ZFPM2: variants seen among roughly 807,000 people sequenced by gnomAD.
The protein encoded by ZFPM2 is zinc finger protein, FOG family member 2.
ZFPM2 carries 20 observed loss-of-function variants against 98.6 expected under a neutral mutation model. That is an observed-to-expected ratio of 0.20 (90% CI 0.14 to 0.29). The LOEUF is 0.29. Ranked by LOEUF, ZFPM2 falls within the 10% of genes least tolerant of loss-of-function variation. ZFPM2 has a pLI of 1.00. For missense variants in ZFPM2, 1,310 were observed against 1,388.6 expected, an observed-to-expected ratio of 0.94 and a Z score of 0.90; for synonymous variants, 518 against 502.7, an observed-to-expected ratio of 1.03 and a Z score of -0.41.
At chr8:105,800,585 T>A (rs1813971263) in intron 7 of ZFPM2, among the ~76,000 whole-genome samples, 1 of 152,146 alleles carries the variant, frequency 6.6e-6, no homozygotes, top group African/African-American at 2.4e-5. Context: ...ATAACCTATA[T>A]GTAGTGTACT....
At chr8:105,544,809 A>G (rs1343249950) in intron 3 of ZFPM2, among the ~76,000 whole-genome samples, 1 of 152,186 alleles carries the variant, frequency 6.6e-6, no homozygotes, top group African/African-American at 2.4e-5. Flanking sequence ...TCAGCAAATG[A>G]ATAAATACAT....
intron 6 of ZFPM2, among the ~76,000 whole-genome samples, chr8:105,796,343 C>CAAAT (rs1813814499): frequency 4.6e-5 from 7 of 151,120 alleles, no homozygotes; most frequent in Admixed American, 4.6e-4. Context: ...CTATTTATGT[C>CAAAT]AAATAATTCA....
Position 105,425,027 on chromosome 8 carries a change from G to A in ZFPM2, c.199+5725G>A, listed in dbSNP as rs1811878642. 2.6e-5 allele frequency among the ~76,000 whole-genome samples: 4 copies of A among 152,120 alleles called. No homozygotes were observed. In the South Asian group the frequency reaches 8.3e-4, roughly 32 times the overall value. On this transcript the variant is annotated intron_variant, in intron 2 of 7. Coordinates refer to ENST00000407775, the MANE Select transcript of ZFPM2 (RefSeq NM_012082.4). ...CTGGAGACTTGAGAGAAAGGAATGA[G>A]CTTCCAGTACTGAGTCAAGTCTGCA...
intron 1 of ZFPM2, among the ~76,000 whole-genome samples, chr8:105,331,232 A>G (rs938269203): frequency 6.6e-6 from 1 of 151,304 alleles, no homozygotes; most frequent in Non-Finnish European, 1.5e-5. Flanking sequence ...ATGATCAACA[A>G]TTCTTACAAA....
At chr8:105,439,682 C>T (rs1378219647) in intron 2 of ZFPM2, among the ~76,000 whole-genome samples, 2 of 152,176 alleles carry the variant, frequency 1.3e-5, no homozygotes, top group Non-Finnish European at 1.5e-5. Context: ...ATTTGGGCTA[C>T]ATGTTTTCCA....
intron 5 of ZFPM2, among the ~76,000 whole-genome samples, chr8:105,672,754 G>A (rs1208490707): frequency 6.6e-6 from 1 of 152,088 alleles, no homozygotes; most frequent in Non-Finnish European, 1.5e-5. Flanking sequence ...ATAAAAATTA[G>A]GGACATGTAC....
At chr8:105,407,800 T>TA (rs1811491947) in intron 1 of ZFPM2, among the ~76,000 whole-genome samples, 1 of 151,926 alleles carries the variant, frequency 6.6e-6, no homozygotes, top group Non-Finnish European at 1.5e-5. Context: ...TTTTGACTCT[T>TA]ACAGTTTAAG....
intron 1 of ZFPM2, among the ~76,000 whole-genome samples, chr8:105,365,441 T>C (rs1243794788): frequency 1.3e-5 from 2 of 152,208 alleles, no homozygotes; most frequent in Admixed American, 6.6e-5. Flanking sequence ...AATTCCATTA[T>C]CAGATATTCA....
chr8:105,699,433 G>A (rs1307792625), intron 5 of ZFPM2, among the ~76,000 whole-genome samples: 3 of 152,044 alleles, frequency 2.0e-5, no homozygotes, highest in Non-Finnish European at 4.4e-5. Flanking sequence ...ATTCATATTT[G>A]TACAAACTTA....
At chr8:105,637,869 T>A (rs533906681) in intron 5 of ZFPM2, among the ~76,000 whole-genome samples, 35 of 152,226 alleles carry the variant, frequency 2.3e-4, no homozygotes, top group Admixed American at 8.5e-4. Flanking sequence ...TTGTGGCATT[T>A]TCGTAATGCC....
chr8:105,782,009 C>T (rs552673990), intron 5 of ZFPM2, among the ~76,000 whole-genome samples: 1 of 152,234 alleles, frequency 6.6e-6, no homozygotes, highest in Non-Finnish European at 1.5e-5. Context: ...TGCCATCTCC[C>T]ATATTTCCTT....
At chr8:105,409,570 A>C (rs1357051383) in intron 1 of ZFPM2, among the ~76,000 whole-genome samples, 3 of 151,964 alleles carry the variant, frequency 2.0e-5, no homozygotes, top group African/African-American at 7.2e-5. Flanking sequence ...GTTGCAGTAC[A>C]CAAAGTGTCT....
At chr8:105,510,222 CT>C (rs1439721002) in intron 3 of ZFPM2, among the ~76,000 whole-genome samples, 2 of 152,064 alleles carry the variant, frequency 1.3e-5, no homozygotes, top group Non-Finnish European at 2.9e-5. Context: ...GTTCTGGAGA[CT>C]GTTAAAGAGC....
At chr8:105,516,638 T>C (rs1330798446) in intron 3 of ZFPM2, among the ~76,000 whole-genome samples, 3 of 152,202 alleles carry the variant, frequency 2.0e-5, no homozygotes, top group Non-Finnish European at 1.5e-5. Flanking sequence ...ATGTTTATAA[T>C]GATGAAATGA....
rs184595638 is a variant in ZFPM2, at chr8:105,422,681, C to G, written c.199+3379C>G. Among the ~76,000 whole-genome samples, 2 of 152,000 alleles carry G rather than the reference C, an allele frequency of 1.3e-5. 1 individual carries two copies. The highest frequency in any genetic ancestry group is 1.3e-4 in the Admixed American group (2 of 15,276). On this transcript the variant is annotated intron_variant, in intron 2 of 7. Transcript: ENST00000407775. The stretch of plus-strand genomic sequence containing the variant: ...AATTGAATGTTTTTTTCTTGTTAAA[C>G]AAAGGATATCTTAAAAGTTCAGATC...
chr8:105,524,781 G>T (rs1193998233), intron 3 of ZFPM2, among the ~76,000 whole-genome samples: 2 of 152,086 alleles, frequency 1.3e-5, no homozygotes, highest in Non-Finnish European at 2.9e-5. Context: ...AACTTTGGCT[G>T]CACAAGTGTC....
At chr8:105,593,429 T>A (rs1292387090) in intron 4 of ZFPM2, among the ~76,000 whole-genome samples, 1 of 152,032 alleles carries the variant, frequency 6.6e-6, no homozygotes, top group African/African-American at 2.4e-5. Context: ...GGAATTTACA[T>A]GAAGTGTTAA....
chr8:105,654,429 T>C (rs1817243695), intron 5 of ZFPM2, among the ~76,000 whole-genome samples: 1 of 152,188 alleles, frequency 6.6e-6, no homozygotes, highest in South Asian at 2.1e-4. Context: ...TGATGCTCCA[T>C]AAATCCAGTT....
rs185681710 is a variant in ZFPM2, at chr8:105,494,114, T to C, written c.301+49733T>C. 1.1e-4 allele frequency among the ~76,000 whole-genome samples: 16 copies of C among 147,674 alleles called. No homozygotes were observed. The East Asian group carries it at 2.9e-3, about 26-fold the overall frequency. The stretch of plus-strand genomic sequence containing the variant: ...ATGCTTCCTGGTGATCTCACCCATA[T>C]CTGAGGTGTCACTAGGTCAGTGACT... On this transcript the variant is annotated intron_variant, in intron 3 of 7. Coordinates refer to ENST00000407775, the MANE Select transcript of ZFPM2 (RefSeq NM_012082.4).
Sources: gnomAD v4.1 joint callset for allele counts (sites outside exome capture counted in the v4.1 genomes callset) on GRCh38, gnomAD v4.1.1 for gene constraint, MANE v1.5 for transcripts, NCBI Gene and HGNC (gene_info 2026-07-23, HGNC 2026-07-21) for gene names.